Variants in MGLL observed in about 807,000 individuals in gnomAD.
The protein encoded by MGLL is lysophospholipase homolog.
Under a neutral mutation model 29.1 loss-of-function variants are expected in MGLL, and 7 were observed. The observed-to-expected ratio is 0.24, with a 90% CI of 0.14 to 0.45. The LOEUF is 0.45. Among genes scored for constraint, MGLL ranks in the 20% least tolerant of loss-of-function variants. MGLL has a pLI of 0.99. For synonymous variants in MGLL, 148 were observed against 168.3 expected, an observed-to-expected ratio of 0.88 and a Z score of 0.93; for missense variants, 356 against 413.6, an observed-to-expected ratio of 0.86 and a Z score of 1.21.
chr3:127,793,654 C>A (rs1021584491), intron 2 of MGLL, among the ~76,000 whole-genome samples: 2 of 152,178 alleles, frequency 1.3e-5, no homozygotes, highest in African/African-American at 4.8e-5. Flanking sequence ...CTCCGCCTCC[C>A]GGGTTGAAGT....
chr3:127,693,544 T>A (rs1281587260), intron 7 of MGLL, among the ~76,000 whole-genome samples: 1 of 152,050 alleles, frequency 6.6e-6, no homozygotes, highest in African/African-American at 2.4e-5. Context: ...GTCCTCAATC[T>A]CTCTCTTGCC....
At chr3:127,736,625 C>CT (rs1409811918) in intron 3 of MGLL, among the ~76,000 whole-genome samples, 2 of 152,238 alleles carry the variant, frequency 1.3e-5, no homozygotes, top group Non-Finnish European at 2.9e-5. Flanking sequence ...TTGTTAAGCA[C>CT]TTGCGGTATG....
At chr3:127,822,222 AG>A (rs1318997793) in intron 1 of MGLL, 86 bp downstream of exon 1, 11 of 1,459,236 alleles carry the variant, frequency 7.5e-6, no homozygotes, top group South Asian at 2.3e-5. Flanking sequence ...AAAATCTCCA[AG>A]GAACAGTTTC....
At chr3:127,696,396 C>CT (rs545853423) in intron 6 of MGLL, among the ~76,000 whole-genome samples, 773 of 49,316 alleles carry the variant, frequency 0.016, 197 homozygotes, top group Non-Finnish European at 0.023. Context: ...CCTGATGCTT[C>CT]TTTTTTTTTT....
intron 2 of MGLL, among the ~76,000 whole-genome samples, chr3:127,782,132 G>T (rs2077138612): frequency 6.6e-6 from 1 of 152,162 alleles, no homozygotes. Context: ...TGAGGCAGGA[G>T]AATTGCTTGA....
intron 3 of MGLL, among the ~76,000 whole-genome samples, chr3:127,774,669 G>A (rs1321196383): frequency 1.3e-5 from 2 of 152,148 alleles, no homozygotes; most frequent in African/African-American, 2.4e-5. Context: ...GATGCCTGGC[G>A]TTGTGTATGG....
chr3:127,692,110 TTTTTTGG>T lies in MGLL; in HGVS notation c.*81_*87del. ...CAATTTCTGATTTTTTTTTTTTTTT[TTTTTTGG>T]CAAGCCATATCTGAGAAGCCATCTC... On this transcript the variant is annotated 3_prime_UTR_variant, in exon 8 of 8. Coordinates refer to ENST00000265052, the MANE Select transcript of MGLL (RefSeq NM_007283.7). 1.0e-6 allele frequency: 1 copy of T among 959,262 alleles called. No individual in the cohort carries two copies. Among genetic ancestry groups the T allele is most frequent in the African/African-American group, 1.9e-5 (1 of 53,044 alleles). 59.4% of individuals were successfully genotyped at this position (959,262 alleles called of 1,614,324 possible).
chr3:127,726,682 A>G (rs2076053294), intron 3 of MGLL, among the ~76,000 whole-genome samples: 1 of 152,114 alleles, frequency 6.6e-6, no homozygotes, highest in African/African-American at 2.4e-5. Flanking sequence ...CACCCACCTC[A>G]GCCTCCCAAA....
At chr3:127,797,027 T>G (rs2077393605) in intron 2 of MGLL, among the ~76,000 whole-genome samples, 1 of 152,118 alleles carries the variant, frequency 6.6e-6, no homozygotes, top group Non-Finnish European at 1.5e-5. Context: ...TTACCCACTC[T>G]GCAGAGCTCC....
intron 2 of MGLL, among the ~76,000 whole-genome samples, chr3:127,818,555 A>G (rs1048161370): frequency 2.0e-5 from 3 of 152,148 alleles, no homozygotes; most frequent in African/African-American, 7.2e-5. Flanking sequence ...AGGGAGAATT[A>G]ATTATTCTCT....
intron 3 of MGLL, among the ~76,000 whole-genome samples, chr3:127,759,409 G>A (rs1260928981): frequency 1.3e-5 from 2 of 152,100 alleles, no homozygotes; most frequent in African/African-American, 4.8e-5. Flanking sequence ...CACACCTGAT[G>A]TGACCAAGGC....
intron 3 of MGLL, among the ~76,000 whole-genome samples, chr3:127,749,832 C>A (rs2076523875): frequency 1.3e-5 from 2 of 152,138 alleles, no homozygotes; most frequent in Non-Finnish European, 2.9e-5. Context: ...GGAGGCCTAG[C>A]TGAGAAGGTG....
chr3:127,697,228 G>A (rs916855209), intron 6 of MGLL, among the ~76,000 whole-genome samples: 7 of 152,234 alleles, frequency 4.6e-5, no homozygotes, highest in African/African-American at 1.7e-4. Flanking sequence ...GAGCCCTGAG[G>A]GAAGGAGGGC....
chr3:127,733,007 T>C (rs1218839441), intron 3 of MGLL, among the ~76,000 whole-genome samples: 1 of 151,908 alleles, frequency 6.6e-6, no homozygotes, highest in African/African-American at 2.4e-5. Flanking sequence ...GGGGGCTGGG[T>C]AAAATGAGGC....
At chr3:127,775,833 A>G (rs138533979) in intron 3 of MGLL, among the ~76,000 whole-genome samples, 2 of 152,260 alleles carry the variant, frequency 1.3e-5, no homozygotes, top group African/African-American at 2.4e-5. Context: ...TGGGCCTCAG[A>G]TTCCCACCGT....
chr3:127,775,433 G>C (rs2077016808), intron 3 of MGLL, among the ~76,000 whole-genome samples: 1 of 151,980 alleles, frequency 6.6e-6, no homozygotes, highest in South Asian at 2.1e-4. Context: ...TGTCTCCCTG[G>C]ATGAAAAACA....
At chr3:127,789,531 G>T (rs1012396310) in intron 2 of MGLL, among the ~76,000 whole-genome samples, 1 of 152,162 alleles carries the variant, frequency 6.6e-6, no homozygotes, top group Non-Finnish European at 1.5e-5. Context: ...GCAACATGGT[G>T]AGACCCCATC....
chr3:127,714,996 G>A (rs1394271703), intron 5 of MGLL, among the ~76,000 whole-genome samples: 1 of 152,142 alleles, frequency 6.6e-6, no homozygotes, highest in African/African-American at 2.4e-5. Flanking sequence ...GCAGCGCCAG[G>A]GGCTCCAGGG....
intron 5 of MGLL, 100 bp from the exon 6 acceptor site, chr3:127,710,765 A>G (rs2075695847): frequency 1.8e-6 from 2 of 1,081,724 alleles, no homozygotes; most frequent in South Asian, 2.7e-5. Context: ...AGTGATGCCC[A>G]AACTGAACAT....
Sources: allele counts gnomAD v4.1 joint callset (sites outside exome capture counted in the v4.1 genomes callset), GRCh38; gene constraint gnomAD v4.1.1; transcripts MANE v1.5; gene names NCBI Gene and HGNC (gene_info 2026-07-23, HGNC 2026-07-21).